Variants in PPP6R2 observed in about 807,000 individuals in gnomAD.
PPP6R2 encodes the protein protein phosphatase 6 regulatory subunit 2, also known as serine/threonine-protein phosphatase 6 regulatory subunit 2.
Under a neutral mutation model 100.2 loss-of-function variants are expected in PPP6R2, and 62 were observed. The observed-to-expected ratio is 0.62, with a 90% CI of 0.50 to 0.76. PPP6R2 has a LOEUF of 0.76. PPP6R2 is among the 30% of genes least tolerant of loss of function. The pLI is 0.00. For missense variants in PPP6R2, 1,142 were observed against 1,276.3 expected (o/e 0.89, Z 1.60); for synonymous variants, 525 against 514.7 (o/e 1.02, Z -0.27).
At position 50,438,186 on chromosome 22, in the gene PPP6R2, CTGTT is replaced by C. The variant is rs899350849; in HGVS notation, c.1855_1858del (p.Phe619ArgfsTer31). ...TTTTACTCTGCAGCCCAGCGCAGCT[CTGTT>C]TGAGGCCTGCTGCAGTGACCGCATC... On this transcript the variant is annotated frameshift_variant, in exon 18 of 24. Transcript: ENST00000612753. LOFTEE classifies it high-confidence loss of function. 2.5e-6 allele frequency: 4 copies of C among 1,613,064 alleles called. No homozygotes were observed. In the African/African-American group the frequency reaches 4.0e-5, roughly 16 times the overall value.
chr22:50,430,988 T>C (rs2063037020), intron 10 of PPP6R2, among the ~76,000 whole-genome samples, 185 bp from the exon 11 acceptor site: 1 of 152,080 alleles, frequency 6.6e-6, no homozygotes. Context: ...AGTGGCTATT[T>C]GAAGAAGCTC....
At chr22:50,392,735 C>CTGAGA (rs1011637884) in intron 2 of PPP6R2, among the ~76,000 whole-genome samples, 1 of 152,138 alleles carries the variant, frequency 6.6e-6, no homozygotes, top group Non-Finnish European at 1.5e-5. Context: ...GGTTTTGGAG[C>CTGAGA]TGAGATGAGA....
At position 50,436,448 on chromosome 22, in the gene PPP6R2, A is replaced by G; in HGVS notation, c.1598A>G (p.Asp533Gly). Reference protein sequence around the residue: ...LTETNRRNTVDLVSTHHLHSS... With the variant: ...LTETNRRNTVGLVSTHHLHSS... ...GAGACGAACCGCAGGAACACTGTGG[A>G]CCTGGTGAGGAGGCTCGGGGCTGCC... is the stretch of plus-strand genomic sequence containing the variant. Residue 533 changes from aspartate (D) to glycine (G), a missense_variant, in exon 14 of 24, where the codon GAC becomes GGC. This residue lies in a region of PPP6R2 where 592 missense variants were observed against 758.9 expected (regional missense o/e 0.78). Coordinates refer to ENST00000612753, the MANE Select transcript of PPP6R2 (RefSeq NM_001242898.2). The G allele has an allele frequency of 6.3e-7, 1 of 1,589,064 alleles. No homozygotes were observed. Among genetic ancestry groups the G allele is most frequent in the Non-Finnish European group, 8.6e-7 (1 of 1,168,950 alleles).
chr22:50,339,079 T>C (rs2042338335), upstream of PPP6R2, among the ~76,000 whole-genome samples: 1 of 125,686 alleles, frequency 8.0e-6, no homozygotes, highest in South Asian at 2.7e-4. Flanking sequence ...ATGTGGTATG[T>C]GGTGTGTGGT....
In PPP6R2 at chr22:50,438,664, G is replaced by A; in HGVS notation, c.2030G>A (p.Gly677Glu). 6.2e-7 allele frequency: 1 copy of A among 1,614,036 alleles called. No individual in the cohort carries two copies. The highest frequency in any genetic ancestry group is 8.5e-7 in the Non-Finnish European group (1 of 1,180,002). Residue 677 changes from glycine to glutamate, a missense_variant, in exon 19 of 24, where the codon GGG (glycine) becomes GAG (glutamate). This residue lies in a region of PPP6R2 where 550 missense variants were observed against 517.4 expected (regional missense o/e 1.06). Coordinates refer to ENST00000612753, the MANE Select transcript of PPP6R2 (RefSeq NM_001242898.2). ...KNGPERGGQD[G>E]KASLEAHRDA... is the part of the protein sequence containing the mutation. The stretch of plus-strand genomic sequence containing the variant: ...GGCCCAGAGCGTGGAGGCCAGGATG[G>A]GAAGGCGAGCTTGGAAGCACACAGA...
At chr22:50,432,554 G>A (rs1337153285) in intron 12 of PPP6R2, among the ~76,000 whole-genome samples, 1 of 152,178 alleles carries the variant, frequency 6.6e-6, no homozygotes, top group Non-Finnish European at 1.5e-5. Context: ...CCGACAGGAA[G>A]CGGTCCCGTC....
chr22:50,391,615 G>A (rs7510868), intron 2 of PPP6R2, among the ~76,000 whole-genome samples: 53,457 of 151,162 alleles, frequency 0.35, 10,008 homozygotes, highest in South Asian at 0.59. Context: ...ATAAAATCCA[G>A]TCTGACAATG....
rs76754128 is a variant in PPP6R2 at position 50,425,545 on chromosome 22, T to A, written c.1125+1931T>A. 9.0e-3 allele frequency among the ~76,000 whole-genome samples: 1,365 copies of A among 152,288 alleles called. 29 individuals are homozygous for A. Among genetic ancestry groups the A allele is most frequent in the African/African-American group, 0.031 (1,295 of 41,550 alleles). ...CTGGATAAATACCTATGAGGCCAGG[T>A]CATGTGACAATTCCATGATTAAGTT... is the stretch of plus-strand genomic sequence containing the variant. On this transcript the variant is annotated intron_variant, in intron 10 of 23. Coordinates refer to ENST00000612753, the MANE Select transcript of PPP6R2 (RefSeq NM_001242898.2).
chr22:50,349,476 C>G (rs952316870), intron 1 of PPP6R2, among the ~76,000 whole-genome samples: 1 of 151,814 alleles, frequency 6.6e-6, no homozygotes, highest in Non-Finnish European at 1.5e-5. Context: ...CTAGACCAGC[C>G]TGAGCAACAT....
At chr22:50,420,260 A>T (rs2061145113) in intron 8 of PPP6R2, among the ~76,000 whole-genome samples, 1 of 152,190 alleles carries the variant, frequency 6.6e-6, no homozygotes, top group South Asian at 2.1e-4. Context: ...CTGGTCAGAC[A>T]CAGCTCCTTG....
At chr22:50,350,679 A>G (rs950649028) in intron 1 of PPP6R2, among the ~76,000 whole-genome samples, 1 of 151,740 alleles carries the variant, frequency 6.6e-6, no homozygotes, top group Non-Finnish European at 1.5e-5. Flanking sequence ...CCCCGTCTCT[A>G]CTAAAAATTC....
the PPP6R2 span, among the ~76,000 whole-genome samples, chr22:50,337,825 AGT>A: frequency 1.8e-5 from 2 of 110,422 alleles, no homozygotes; most frequent in Non-Finnish European, 3.6e-5. Flanking sequence ...ATCTGGGTAC[AGT>A]GTGTGTGTGG....
In PPP6R2 at chr22:50,423,828, C is replaced by T. The variant is rs776302940; in HGVS notation, c.1125+214C>T. 2.0e-4 allele frequency among the ~76,000 whole-genome samples: 31 copies of T among 152,184 alleles called. No individual in the cohort carries two copies. The highest frequency in any genetic ancestry group is 2.9e-4 in the Non-Finnish European group (20 of 68,032). Reference sequence around the variant, plus strand: ...TCAGCTGCAGGCTCATGGGAAGTGACGAGTCTACCGTAGAATTGCCCTGAA... The same window carrying T: ...TCAGCTGCAGGCTCATGGGAAGTGATGAGTCTACCGTAGAATTGCCCTGAA... On this transcript the variant is annotated intron_variant, in intron 10 of 23. Transcript: ENST00000612753. The surrounding 1 kb of genome is among the most constrained non-coding windows in gnomAD (Gnocchi z 4.8).
intron 6 of PPP6R2, among the ~76,000 whole-genome samples, chr22:50,416,657 T>C (rs1237305599): frequency 6.6e-6 from 1 of 151,542 alleles, no homozygotes; most frequent in Non-Finnish European, 1.5e-5. Context: ...AACTGAAAAA[T>C]AATCTATGTG....
intron 1 of PPP6R2, among the ~76,000 whole-genome samples, chr22:50,358,565 T>C (rs943619832): frequency 6.6e-6 from 1 of 152,252 alleles, no homozygotes; most frequent in African/African-American, 2.4e-5. Flanking sequence ...TTTTGACATA[T>C]GTATACATTT....
intron 4 of PPP6R2, among the ~76,000 whole-genome samples, chr22:50,409,633 G>A (rs987967158): frequency 8.5e-5 from 13 of 152,122 alleles, no homozygotes; most frequent in Non-Finnish European, 1.5e-5. Context: ...TCACCATGTT[G>A]GCCAGGATGG....
intron 10 of PPP6R2, among the ~76,000 whole-genome samples, chr22:50,429,644 G>C (rs940034092): frequency 6.6e-6 from 1 of 152,110 alleles, no homozygotes; most frequent in African/African-American, 2.4e-5. Flanking sequence ...TTCTCTCTTA[G>C]TTTTTTGGAA....
chr22:50,440,749 C>A (rs1291827536), intron 21 of PPP6R2, 73 bp from the exon 22 acceptor site: 2 of 1,529,342 alleles, frequency 1.3e-6, no homozygotes. Flanking sequence ...TGTATGGGGA[C>A]CCTATGGCTG....
At chr22:50,354,416 C>T (rs1460238736) in intron 1 of PPP6R2, among the ~76,000 whole-genome samples, 1 of 152,190 alleles carries the variant, frequency 6.6e-6, no homozygotes, top group African/African-American at 2.4e-5. Flanking sequence ...CTGAAATGCT[C>T]CAGTGAGCAT....
Sources: gnomAD v4.1 joint callset for allele counts (sites outside exome capture counted in the v4.1 genomes callset) on GRCh38, gnomAD v4.1.1 for gene constraint, gnomAD v4.1.1 regional missense constraint, Gnocchi (gnomAD v3.1) non-coding constraint, MANE v1.5 for transcripts, NCBI Gene and HGNC (gene_info 2026-07-23, HGNC 2026-07-21) for gene names.